RBFOX1: variants seen among roughly 807,000 people sequenced by gnomAD.
RBFOX1 encodes RNA binding fox-1 homolog 1, also known as RNA binding protein fox-1 homolog 1.
Under a neutral mutation model 57.7 loss-of-function variants are expected in RBFOX1, and 8 were observed. That is an observed-to-expected ratio of 0.14 (90% confidence interval 0.08 to 0.25). RBFOX1 has a LOEUF of 0.25. RBFOX1 is among the 10% of genes least tolerant of loss of function. The pLI is 1.00. For missense variants in RBFOX1, 611 were observed against 548.5 expected (o/e 1.11, Z -1.14); for synonymous variants, 326 against 222.4 (o/e 1.47, Z -4.15).
intron 3 of RBFOX1, among the ~76,000 whole-genome samples, chr16:6,968,684 C>G (rs1180992993): frequency 6.6e-6 from 1 of 152,156 alleles, no homozygotes; most frequent in Admixed American, 6.5e-5. Context: ...GTGCTGGCCT[C>G]CCATCGAGTA....
chr16:6,860,505 T>G (rs1024669224), intron 3 of RBFOX1, among the ~76,000 whole-genome samples: 5 of 152,192 alleles, frequency 3.3e-5, no homozygotes, highest in African/African-American at 1.2e-4. Context: ...GCGCTCACTT[T>G]AGTAACATCA....
chr16:6,967,968 G>C (rs960172552), intron 3 of RBFOX1, among the ~76,000 whole-genome samples: 2 of 152,192 alleles, frequency 1.3e-5, no homozygotes, highest in Non-Finnish European at 2.9e-5. Flanking sequence ...CTCGGGGAGA[G>C]AGGTTGGCAG....
intron 2 of RBFOX1, among the ~76,000 whole-genome samples, chr16:6,557,422 C>G (rs1054260038): frequency 6.6e-6 from 1 of 152,012 alleles, no homozygotes; most frequent in East Asian, 1.9e-4. Context: ...TGGGACAGTA[C>G]GATTTCACAA....
At chr16:6,812,345 T>C (rs2088889671) in intron 3 of RBFOX1, among the ~76,000 whole-genome samples, 1 of 152,122 alleles carries the variant, frequency 6.6e-6, no homozygotes, top group Non-Finnish European at 1.5e-5. Flanking sequence ...AAGTGCCAAT[T>C]AGCACTGCAA....
chr16:7,047,716 C>CTTTTTT lies in RBFOX1; in HGVS notation c.-15-4317_-15-4312dup, dbSNP rs55636828. On this transcript the variant is annotated intron_variant, in intron 3 of 15. Coordinates refer to ENST00000550418, the MANE Select transcript of RBFOX1 (RefSeq NM_018723.4). The stretch of plus-strand genomic sequence containing the variant: ...TATTTGTTCCACAGGTCCTGCATTT[C>CTTTTTT]TTTTTTTTTTTTTTTTTTTTTTTTT... Among the ~76,000 whole-genome samples the CTTTTTT allele has an allele frequency of 1.5e-3, 71 of 47,894 alleles. 2 individuals are homozygous for CTTTTTT. The highest frequency in any genetic ancestry group is 0.026 in the Middle Eastern group (1 of 38). The allele number at this position is 47,894 out of a possible 152,430, so 31.4% of individuals were successfully genotyped here.
Position 6,504,452 on chromosome 16 carries a change from C to T in RBFOX1, c.-63-150151C>T, listed in dbSNP as rs879605674. 4.6e-5 allele frequency among the ~76,000 whole-genome samples: 7 copies of T among 152,054 alleles called. No homozygotes were observed. The South Asian group carries it at 6.2e-4, about 14-fold the overall frequency. On this transcript the variant is annotated intron_variant, in intron 2 of 15. Coordinates refer to ENST00000550418, the MANE Select transcript of RBFOX1 (RefSeq NM_018723.4). The stretch of plus-strand genomic sequence containing the variant: ...ATTGGTTTATGGATGCACAGAGTAC[C>T]GGGGTAGTATAGAGTGAGAAAATTT...
chr16:7,220,633 G>A (rs1468266025), intron 4 of RBFOX1, among the ~76,000 whole-genome samples: 1 of 152,146 alleles, frequency 6.6e-6, no homozygotes, highest in African/African-American at 2.4e-5. Flanking sequence ...TTGAGGACTT[G>A]TTACCTGGAC....
At chr16:6,686,598 C>T (rs532354959) in intron 3 of RBFOX1, among the ~76,000 whole-genome samples, 1 of 152,184 alleles carries the variant, frequency 6.6e-6, no homozygotes, top group African/African-American at 2.4e-5. Flanking sequence ...AGGGGTGAGA[C>T]AGCAGTGGAG....
chr16:6,401,245 A>T (rs890658937), intron 2 of RBFOX1, among the ~76,000 whole-genome samples: 1 of 152,236 alleles, frequency 6.6e-6, no homozygotes, highest in African/African-American at 2.4e-5. Flanking sequence ...TCCACTGGCC[A>T]GATCTGGGAT....
Position 6,731,782 on chromosome 16 carries a change from A to G in RBFOX1, c.-16+77132A>G, listed in dbSNP as rs2068673006. Among the ~76,000 whole-genome samples, 3 of 152,014 alleles carry G rather than the reference A, an allele frequency of 2.0e-5. 1 individual carries two copies. In the South Asian group the frequency reaches 6.2e-4, roughly 32 times the overall value. On this transcript the variant is annotated intron_variant, in intron 3 of 15. Coordinates refer to ENST00000550418, the MANE Select transcript of RBFOX1 (RefSeq NM_018723.4). ...TTTTCTTCCCTGTGCTAATTTCTCCATTTCTCCCTTCCCCACTGCTGTTTC... is the reference window on the plus strand; with the variant it reads ...TTTTCTTCCCTGTGCTAATTTCTCCGTTTCTCCCTTCCCCACTGCTGTTTC...
intron 3 of RBFOX1, among the ~76,000 whole-genome samples, chr16:5,700,227 A>G (rs34176094): frequency 0.56 from 84,998 of 151,890 alleles, 26,613 homozygotes; most frequent in Non-Finnish European, 0.72. Flanking sequence ...TATTCGATCA[A>G]TTTTTGTGCT....
At chr16:5,348,174 C>G (rs917968379) in intron 1 of RBFOX1, among the ~76,000 whole-genome samples, 2 of 151,322 alleles carry the variant, frequency 1.3e-5, no homozygotes, top group East Asian at 2.0e-4. Flanking sequence ...ACCTGTCTTT[C>G]CACTCAATAA....
intron 1 of RBFOX1, among the ~76,000 whole-genome samples, chr16:5,322,178 G>C (rs2151251989): frequency 6.6e-6 from 1 of 152,228 alleles, no homozygotes; most frequent in Non-Finnish European, 1.5e-5. Context: ...AAAGCTACTT[G>C]GGTTCCTTCC....
At chr16:6,782,434 C>A (rs537754318) in intron 3 of RBFOX1, among the ~76,000 whole-genome samples, 2 of 152,160 alleles carry the variant, frequency 1.3e-5, no homozygotes, top group South Asian at 4.2e-4. Context: ...TATTTAATTT[C>A]CATGTATTTA....
intron 1 of RBFOX1, among the ~76,000 whole-genome samples, chr16:6,173,287 CAG>C (rs1187244277): frequency 1.3e-5 from 2 of 152,118 alleles, no homozygotes; most frequent in Non-Finnish European, 2.9e-5. Flanking sequence ...GACAGGAAAA[CAG>C]ATCTCAAATA....
intron 3 of RBFOX1, among the ~76,000 whole-genome samples, chr16:5,628,980 A>C (rs1292440256): frequency 6.6e-6 from 1 of 152,234 alleles, no homozygotes; most frequent in African/African-American, 2.4e-5. Flanking sequence ...TCAACAGAGT[A>C]AACTGTGAGT....
At chr16:7,103,112 G>A (rs2062978470) in intron 4 of RBFOX1, among the ~76,000 whole-genome samples, 1 of 151,814 alleles carries the variant, frequency 6.6e-6, no homozygotes, top group Admixed American at 6.6e-5. Flanking sequence ...AAAAGTGTGG[G>A]TGCTTTCCAA....
intron 2 of RBFOX1, among the ~76,000 whole-genome samples, chr16:6,388,428 C>T (rs1382994295): frequency 2.0e-5 from 3 of 151,886 alleles, no homozygotes; most frequent in Admixed American, 2.0e-4. Context: ...TTCAATGGCA[C>T]CATTTAATGG....
intron 4 of RBFOX1, among the ~76,000 whole-genome samples, chr16:7,220,686 C>A (rs1315761338): frequency 6.6e-6 from 1 of 152,178 alleles, no homozygotes. Flanking sequence ...GGCAGTATTT[C>A]TCTGATTGTG....
Sources: gnomAD v4.1 joint callset for allele counts (sites outside exome capture counted in the v4.1 genomes callset) on GRCh38, gnomAD v4.1.1 for gene constraint, MANE v1.5 for transcripts, NCBI Gene and HGNC (gene_info 2026-07-23, HGNC 2026-07-21) for gene names.